LRP1B: variants seen among roughly 807,000 people sequenced by gnomAD.
The protein encoded by LRP1B is LDL receptor related protein 1B, also known as low-density lipoprotein receptor-related protein 1B.
Under a neutral mutation model 556.6 loss-of-function variants are expected in LRP1B, and 217 were observed. That is an observed-to-expected ratio of 0.39 (90% CI 0.35 to 0.44). LRP1B has a LOEUF of 0.44. LRP1B is among the 20% of genes least tolerant of loss of function. The pLI is 1.00. For missense variants in LRP1B, 5,053 were observed against 5,620.8 expected (o/e 0.90, Z 3.23); for synonymous variants, 2,047 against 1,865.8 (o/e 1.10, Z -2.50).
chr2:140,544,871 A>G (rs758979703), intron 43 of LRP1B, among the ~76,000 whole-genome samples: 4 of 152,022 alleles, frequency 2.6e-5, no homozygotes, highest in Non-Finnish European at 5.9e-5. Flanking sequence ...TGGTATCTCT[A>G]TTTTTAGGCC....
At chr2:141,213,761 A>C (rs1266134086) in intron 6 of LRP1B, among the ~76,000 whole-genome samples, 5 of 152,214 alleles carry the variant, frequency 3.3e-5, no homozygotes, top group African/African-American at 1.2e-4. Context: ...ATACAAAGTA[A>C]ATACTATAAA....
At chr2:141,564,551 C>A (rs938630681) in intron 2 of LRP1B, among the ~76,000 whole-genome samples, 2 of 152,084 alleles carry the variant, frequency 1.3e-5, no homozygotes, top group Non-Finnish European at 2.9e-5. Context: ...CTCTGATAGA[C>A]TTTTGAGGCT....
chr2:141,537,316 A>G (rs1263277046), intron 2 of LRP1B, among the ~76,000 whole-genome samples: 1 of 152,106 alleles, frequency 6.6e-6, no homozygotes, highest in Non-Finnish European at 1.5e-5. Context: ...AAAATAAATA[A>G]CAAAACAGCA....
rs766579888 is a variant in LRP1B at position 141,229,452 on chromosome 2, T to C, written c.593-12A>G. 5 of 1,514,062 alleles carry C rather than the reference T, an allele frequency of 3.3e-6. No individual in the cohort carries two copies. The highest frequency in any genetic ancestry group is 3.6e-6 in the Non-Finnish European group (4 of 1,108,200). The allele number at this position is 1,514,062 out of a possible 1,614,324, so 93.8% of individuals were successfully genotyped here. A position where few individuals can be genotyped will look rare whatever the true frequency, so the allele number is the denominator to read the frequency against. On this transcript the variant is annotated splice_polypyrimidine_tract_variant and intron_variant, in intron 5 of 90. Transcript: ENST00000389484. ...TCTATCTGTAGGTTCTGGAATAAAA[T>C]AGAAAAAGAGAAGTAAATTCAGTAA...
At chr2:141,021,281 A>C (rs907367235) in intron 11 of LRP1B, among the ~76,000 whole-genome samples, 1 of 151,946 alleles carries the variant, frequency 6.6e-6, no homozygotes, top group African/African-American at 2.4e-5. Context: ...AAAAACAGTA[A>C]AATTTTCCCT....
intron 2 of LRP1B, among the ~76,000 whole-genome samples, chr2:141,610,976 C>A (rs765665195): frequency 2.0e-5 from 3 of 152,164 alleles, no homozygotes; most frequent in Non-Finnish European, 4.4e-5. Context: ...ACTGGAACAC[C>A]ACCTCCTATG....
intron 4 of LRP1B, among the ~76,000 whole-genome samples, chr2:141,248,051 T>C (rs1355590848): frequency 6.6e-6 from 1 of 152,074 alleles, no homozygotes; most frequent in Non-Finnish European, 1.5e-5. Flanking sequence ...CTACTAAAAA[T>C]GCAAAAATTA....
intron 2 of LRP1B, among the ~76,000 whole-genome samples, chr2:141,722,764 A>AGAT (rs2105501800): frequency 6.6e-6 from 1 of 151,648 alleles, no homozygotes; most frequent in Non-Finnish European, 1.5e-5. Flanking sequence ...ATAGATAGAT[A>AGAT]GATAGATAGA....
chr2:142,116,653 T>A (rs1298224174), intron 1 of LRP1B, among the ~76,000 whole-genome samples: 1 of 152,216 alleles, frequency 6.6e-6, no homozygotes, highest in Non-Finnish European at 1.5e-5. Context: ...TTATGTATTA[T>A]GTTAGTATCT....
chr2:140,288,680 A>G (rs1683257986), intron 84 of LRP1B, among the ~76,000 whole-genome samples: 1 of 151,862 alleles, frequency 6.6e-6, no homozygotes, highest in Non-Finnish European at 1.5e-5. Flanking sequence ...CTTAACACCA[A>G]GTATAGCAGA....
chr2:141,555,240 C>A (rs979961292), intron 2 of LRP1B, among the ~76,000 whole-genome samples: 2 of 151,934 alleles, frequency 1.3e-5, no homozygotes, highest in Non-Finnish European at 2.9e-5. Context: ...TGGTGAGGCA[C>A]AGAAACTGTA....
intron 35 of LRP1B, among the ~76,000 whole-genome samples, chr2:140,752,580 C>A (rs1184445652): frequency 6.6e-6 from 1 of 152,126 alleles, no homozygotes; most frequent in Admixed American, 6.5e-5. Flanking sequence ...CTGCCTGGGC[C>A]TCCCAGAGTG....
At chr2:140,789,337 A>G (rs1690025276) in intron 32 of LRP1B, among the ~76,000 whole-genome samples, 1 of 152,110 alleles carries the variant, frequency 6.6e-6, no homozygotes, top group Non-Finnish European at 1.5e-5. Flanking sequence ...CTGCTACCAC[A>G]CTAGTCCAAG....
chr2:141,951,097 T>C (rs1441446911), intron 1 of LRP1B, among the ~76,000 whole-genome samples: 2 of 152,186 alleles, frequency 1.3e-5, no homozygotes, highest in South Asian at 4.1e-4. Context: ...ATAGTGATAA[T>C]GGCTGCGTAA....
intron 7 of LRP1B, among the ~76,000 whole-genome samples, chr2:141,165,614 C>T (rs1318625744): frequency 6.6e-6 from 1 of 151,934 alleles, no homozygotes; most frequent in African/African-American, 2.4e-5. Flanking sequence ...TCCTTATCAT[C>T]ATTCTCAACC....
chr2:141,997,122 C>T (rs1388683567), intron 1 of LRP1B, among the ~76,000 whole-genome samples: 1 of 152,020 alleles, frequency 6.6e-6, no homozygotes, highest in Non-Finnish European at 1.5e-5. Context: ...AATGAAACTT[C>T]AAATGCCCGC....
chr2:141,719,448 T>C (rs1464526591), intron 2 of LRP1B, among the ~76,000 whole-genome samples: 1 of 152,112 alleles, frequency 6.6e-6, no homozygotes, highest in African/African-American at 2.4e-5. Context: ...GATTATTAAG[T>C]TTTAGATAAG....
chr2:142,063,697 G>T lies in LRP1B; in HGVS notation c.82+66951C>A, dbSNP rs1574646618. Reference sequence around the variant, plus strand: ...AGAAATTTTAAACTTAACTTTGAAGGAAACCAGCATTTCTAGATAACATAA... The same window carrying T: ...AGAAATTTTAAACTTAACTTTGAAGTAAACCAGCATTTCTAGATAACATAA... On this transcript the variant is annotated intron_variant, in intron 1 of 90. Coordinates refer to ENST00000389484, the MANE Select transcript of LRP1B (RefSeq NM_018557.3). 2.0e-5 allele frequency among the ~76,000 whole-genome samples: 3 copies of T among 151,324 alleles called. No individual in the cohort carries two copies. The South Asian group carries it at 6.3e-4, about 32-fold the overall frequency.
intron 3 of LRP1B, among the ~76,000 whole-genome samples, chr2:141,255,990 C>T (rs74629903): frequency 1.3e-5 from 2 of 151,824 alleles, no homozygotes; most frequent in East Asian, 3.9e-4. Flanking sequence ...GCTACAGTTC[C>T]ACAGATGCAA....
Sources: gnomAD v4.1 joint callset for allele counts (sites outside exome capture counted in the v4.1 genomes callset) on GRCh38, gnomAD v4.1.1 for gene constraint, MANE v1.5 for transcripts, NCBI Gene and HGNC (gene_info 2026-07-23, HGNC 2026-07-21) for gene names.